DMD: variants seen among roughly 807,000 people sequenced by gnomAD.
DMD encodes dystrophin.
A neutral mutation model predicts 330.1 loss-of-function variants in DMD; 63 were observed. That is an observed-to-expected ratio of 0.19 (90% confidence interval 0.16 to 0.24). The LOEUF (loss-of-function observed/expected upper bound fraction) is 0.24. Among genes scored for constraint, DMD ranks in the 10% least tolerant of loss-of-function variants. The pLI, the probability that DMD is intolerant of heterozygous loss-of-function variation, is 1.00. For synonymous variants in DMD, 1,223 were observed against 959.8 expected (o/e 1.27, Z -5.07); for missense variants, 3,344 against 2,684.1 (o/e 1.25, Z -5.43).
chrX:32,390,004 G>T, intron 31 of DMD, 67 bp downstream of exon 31: 1 of 861,828 alleles, frequency 1.2e-6, no homozygotes, highest in Non-Finnish European at 1.7e-6. Flanking sequence ...TAATCAAGTT[G>T]TCCAATATAG....
chrX:31,912,662 C>T (rs901141049), intron 47 of DMD, among the ~76,000 whole-genome samples: 1 of 111,670 alleles, frequency 9.0e-6, no homozygotes, highest in Non-Finnish European at 1.9e-5. Context: ...TTTGCACCAA[C>T]CTAATATATC....
chrX:32,463,366 C>T (rs930376256), intron 25 of DMD, 73 bp downstream of exon 25: 32 of 989,266 alleles, frequency 3.2e-5, no homozygotes, highest in East Asian at 3.0e-4. Flanking sequence ...CCAAAAGTAA[C>T]GGTGAAGGGA....
chrX:32,325,430 C>A (rs148800458), intron 41 of DMD, among the ~76,000 whole-genome samples: 1,864 of 111,466 alleles, frequency 0.017, 44 homozygotes, highest in African/African-American at 0.056. Context: ...GTAGGCATGG[C>A]CCCCTCTAAT....
intron 7 of DMD, among the ~76,000 whole-genome samples, chrX:32,735,701 C>G (rs776172402): frequency 8.9e-6 from 1 of 112,042 alleles, no homozygotes; most frequent in Non-Finnish European, 1.9e-5. Flanking sequence ...GCTAGGAAAA[C>G]TGGCTAGCCA....
At chrX:32,534,937 G>A (rs749163263) in intron 17 of DMD, among the ~76,000 whole-genome samples, 14 of 110,799 alleles carry the variant, frequency 1.3e-4, no homozygotes, top group Non-Finnish European at 3.8e-5. Flanking sequence ...TTTCTGACCA[G>A]GGAAGACTTT....
chrX:31,900,423 CTCTT>C (rs2094406289), intron 47 of DMD, among the ~76,000 whole-genome samples: 1 of 111,239 alleles, frequency 9.0e-6, no homozygotes, highest in African/African-American at 3.3e-5. Flanking sequence ...CAAAAGCTCT[CTCTT>C]TGACTGCTGC....
chrX:32,854,611 C>A (rs1240740497), intron 2 of DMD, among the ~76,000 whole-genome samples: 3 of 104,369 alleles, frequency 2.9e-5, no homozygotes, highest in Admixed American at 2.1e-4. Context: ...TCTTAAAGAA[C>A]TAGAATAGCA....
chrX:31,805,560 T>A (rs1483353488), intron 50 of DMD, among the ~76,000 whole-genome samples: 2 of 112,141 alleles, frequency 1.8e-5, no homozygotes, highest in Non-Finnish European at 3.8e-5. Context: ...TTTTTGATGC[T>A]GAGATAGGAA....
At chrX:32,037,648 C>T (rs1603622745) in intron 44 of DMD, among the ~76,000 whole-genome samples, 1 of 111,128 alleles carries the variant, frequency 9.0e-6, no homozygotes, top group South Asian at 3.7e-4. Context: ...TTATTGGTAC[C>T]GAGATTTTCC....
chrX:32,446,624 A>G (rs2098306236), intron 27 of DMD, among the ~76,000 whole-genome samples: 1 of 110,595 alleles, frequency 9.0e-6, no homozygotes, highest in African/African-American at 3.3e-5. Flanking sequence ...CGGTAAATCT[A>G]AATAAATATT....
At chrX:32,478,268 G>A (rs971235497) in intron 21 of DMD, among the ~76,000 whole-genome samples, 2 of 111,506 alleles carry the variant, frequency 1.8e-5, no homozygotes, top group African/African-American at 6.5e-5. Flanking sequence ...AAAATGCACT[G>A]CACATGTGTG....
In DMD at chrX:32,485,008, A is replaced by G. The variant is rs1454170307; in HGVS notation, c.2714T>C (p.Met905Thr). The change falls in exon 21 of 79, where the codon ATG (methionine) becomes ACG (threonine). Residue 905 changes from methionine to threonine, a missense_variant. Transcript: ENST00000357033. ...IALKEKGQGP[M>T]FLDADFVAFT... Reference sequence around the variant, plus strand: ...GGCCACAAAGTCTGCATCCAGGAACATGGGTCCTTGTCCTTTCTCTTTCAG... The same window carrying G: ...GGCCACAAAGTCTGCATCCAGGAACGTGGGTCCTTGTCCTTTCTCTTTCAG... 1 of 1,211,573 alleles carries G rather than the reference A, an allele frequency of 8.3e-7. No homozygotes were observed. The highest frequency in any genetic ancestry group is 1.1e-6 in the Non-Finnish European group (1 of 895,233).
At chrX:31,861,975 A>ACACACC (rs770834589) in intron 48 of DMD, among the ~76,000 whole-genome samples, 137 of 108,081 alleles carry the variant, frequency 1.3e-3, no homozygotes, top group Non-Finnish European at 2.1e-3. Flanking sequence ...ACACACACAC[A>ACACACC]CCTACATCCT....
intron 2 of DMD, among the ~76,000 whole-genome samples, chrX:32,892,369 A>ATGTTG (rs1447342564): frequency 9.1e-6 from 1 of 109,904 alleles, no homozygotes; most frequent in African/African-American, 3.3e-5. Flanking sequence ...CCCCCACGCC[A>ATGTTG]TGTTGTTTTG....
chrX:31,163,065 G>C (rs898499682), intron 74 of DMD, among the ~76,000 whole-genome samples: 2 of 111,799 alleles, frequency 1.8e-5, no homozygotes, highest in Non-Finnish European at 3.8e-5. Flanking sequence ...TGATTTCTGT[G>C]ATCAAACTAG....
intron 52 of DMD, among the ~76,000 whole-genome samples, chrX:31,712,325 T>C (rs1357764086): frequency 2.0e-4 from 22 of 110,896 alleles, no homozygotes; most frequent in Admixed American, 1.2e-3. Context: ...ACAGACCCCA[T>C]AGCTAAAGAT....
intron 57 of DMD, among the ~76,000 whole-genome samples, chrX:31,479,725 C>A (rs2068097759): frequency 8.9e-6 from 1 of 112,361 alleles, no homozygotes; most frequent in African/African-American, 3.2e-5. Flanking sequence ...ATTGCGGACA[C>A]TAGTTTCTAT....
intron 44 of DMD, among the ~76,000 whole-genome samples, chrX:32,100,671 C>G (rs1354766223): frequency 9.0e-6 from 1 of 110,983 alleles, no homozygotes; most frequent in Non-Finnish European, 1.9e-5. Context: ...TTCGCCTCCT[C>G]TTTCCTGACT....
At chrX:32,480,898 G>A (rs1451503081) in intron 21 of DMD, among the ~76,000 whole-genome samples, 1 of 110,370 alleles carries the variant, frequency 9.1e-6, no homozygotes, top group Non-Finnish European at 1.9e-5. Context: ...TGGAGTGAAG[G>A]AGCAATGCAA....
Sources: allele counts gnomAD v4.1 joint callset (sites outside exome capture counted in the v4.1 genomes callset), GRCh38; gene constraint gnomAD v4.1.1; transcripts MANE v1.5; gene names NCBI Gene and HGNC (gene_info 2026-07-23, HGNC 2026-07-21).